Variants in FANCI observed in about 807,000 individuals in gnomAD.
FANCI encodes the protein FA complementation group I, also known as Fanconi anemia group I protein.
Under a neutral mutation model 176.1 loss-of-function variants are expected in FANCI, and 156 were observed. That is an observed-to-expected ratio of 0.89 (90% CI 0.78 to 1.01). The LOEUF is 1.01. Ranked by LOEUF, FANCI falls within the 50% of genes least tolerant of loss-of-function variation. FANCI has a pLI of 0.00. For synonymous variants in FANCI, 613 were observed against 541.7 expected (o/e 1.13, Z -1.83); for missense variants, 1,678 against 1,534.1 (o/e 1.09, Z -1.57).
At chr15:89,264,400 A>C in intron 8 of FANCI, 122 bp from the exon 9 acceptor site, 1 of 801,556 alleles carries the variant, frequency 1.2e-6, no homozygotes, top group Non-Finnish European at 2.1e-6. Flanking sequence ...GTTTGAGTCT[A>C]AGTCATAGAT....
intron 17 of FANCI, among the ~76,000 whole-genome samples, chr15:89,283,796 A>T (rs2053711330): frequency 6.7e-6 from 1 of 150,324 alleles, no homozygotes. Flanking sequence ...TCTGTCACCC[A>T]GGCTGGAGTG....
Position 89,260,723 on chromosome 15 carries a change from C to T in FANCI, c.168C>T (p.Cys56=). 6.2e-7 allele frequency: 1 copy of T among 1,613,772 alleles called. No individual in the cohort carries two copies. Among genetic ancestry groups the T allele is most frequent in the Non-Finnish European group, 8.5e-7 (1 of 1,179,822 alleles). ...LLRAIFKGSP[C]SEEAGTLRRR... Reference sequence around the variant, plus strand: ...GTTTAAAACAATAAGGTTCCCCCTGCTCTGAGGAAGCTGGAACACTTAGGA... The same window carrying T: ...GTTTAAAACAATAAGGTTCCCCCTGTTCTGAGGAAGCTGGAACACTTAGGA... Residue 56 remains cysteine, a synonymous_variant, in exon 4 of 38, where the codon TGC becomes TGT. Transcript: ENST00000310775.
intron 9 of FANCI, among the ~76,000 whole-genome samples, chr15:89,264,904 A>G (rs1482546215): frequency 1.3e-5 from 2 of 152,250 alleles, no homozygotes; most frequent in Non-Finnish European, 2.9e-5. Flanking sequence ...TGAACCAGTC[A>G]GACAATGTCC....
chr15:89,279,459 G>C (rs906435839), intron 14 of FANCI, among the ~76,000 whole-genome samples: 1 of 152,116 alleles, frequency 6.6e-6, no homozygotes, highest in Non-Finnish European at 1.5e-5. Context: ...TGCTTGGCCT[G>C]AATTTGCTGT....
At chr15:89,278,855 A>C in intron 14 of FANCI, 81 bp downstream of exon 14, 1 of 1,078,172 alleles carries the variant, frequency 9.3e-7, no homozygotes, top group Non-Finnish European at 1.4e-6. Context: ...CTGGGAAAAA[A>C]ATTTTAATGA....
chr15:89,268,254 G>A (rs963902904), intron 9 of FANCI, 145 bp from the exon 10 acceptor site: 20 of 824,458 alleles, frequency 2.4e-5, no homozygotes, highest in Non-Finnish European at 4.1e-5. Flanking sequence ...CACCACATCG[G>A]GCTGATTTTT....
Position 89,295,334 on chromosome 15 carries a change from C to G in FANCI, c.2636+240C>G, listed in dbSNP as rs187363809. Among the ~76,000 whole-genome samples, 237 of 148,068 alleles carry G rather than the reference C, an allele frequency of 1.6e-3. 1 individual carries two copies. The highest frequency in any genetic ancestry group is 3.9e-3 in the African/African-American group (156 of 40,002). ...TGAGCTGAGTTCATACCACTGCACT[C>G]TAGCCTGGGTGACAGGGCAAGACTC... On this transcript the variant is annotated intron_variant, in intron 24 of 37. Transcript: ENST00000310775.
chr15:89,307,914 A>G, intron 34 of FANCI: 1 of 1,386,446 alleles, frequency 7.2e-7, no homozygotes, highest in South Asian at 1.5e-5. Context: ...ATTTGGAGCA[A>G]GGAAGGAACA....
At chr15:89,315,731 C>T (rs2055210833) in intron 37 of FANCI, among the ~76,000 whole-genome samples, 1 of 152,202 alleles carries the variant, frequency 6.6e-6, no homozygotes, top group Non-Finnish European at 1.5e-5. Context: ...ATGTCATGCC[C>T]TCATTCAAAG....
At chr15:89,268,034 G>A (rs1238517790) in intron 9 of FANCI, among the ~76,000 whole-genome samples, 1 of 152,242 alleles carries the variant, frequency 6.6e-6, no homozygotes, top group African/African-American at 2.4e-5. Flanking sequence ...TTTAGCTTGA[G>A]TTGGTCTACT....
At chr15:89,311,981 T>C in intron 34 of FANCI, among the ~76,000 whole-genome samples, 1 of 151,988 alleles carries the variant, frequency 6.6e-6, no homozygotes, top group East Asian at 1.9e-4. Flanking sequence ...GTTCCTTTTA[T>C]TAGTTATTCA....
chr15:89,309,181 G>T (rs1018770181), intron 34 of FANCI, among the ~76,000 whole-genome samples: 1 of 152,236 alleles, frequency 6.6e-6, no homozygotes, highest in East Asian at 1.9e-4. Context: ...CCAAATGCTT[G>T]CAGGAATGCT....
intron 2 of FANCI, among the ~76,000 whole-genome samples, chr15:89,251,164 G>T (rs1453610788): frequency 6.6e-6 from 1 of 152,152 alleles, no homozygotes; most frequent in East Asian, 1.9e-4. Context: ...AAAAAATACT[G>T]TGAGACTACA....
chr15:89,305,410 G>GT lies in FANCI; in HGVS notation c.3255+2dup. 2 of 1,613,364 alleles carry GT rather than the reference G, an allele frequency of 1.2e-6. No homozygotes were observed. Among genetic ancestry groups the GT allele is most frequent in the Admixed American group, 1.7e-5 (1 of 60,018 alleles). ...GAGAACGGCTGCCCCCACTGTCTGT[G>GT]TAAGTGTTGTACCTGAGCCATGGGG... On this transcript the variant is annotated splice_donor_variant, in intron 30 of 37. Coordinates refer to ENST00000310775, the MANE Select transcript of FANCI (RefSeq NM_001113378.2). LOFTEE classifies it high-confidence loss of function.
chr15:89,250,988 ATAAAG>A (rs2052223192), intron 2 of FANCI, among the ~76,000 whole-genome samples: 2 of 152,180 alleles, frequency 1.3e-5, no homozygotes, highest in South Asian at 2.1e-4. Context: ...GTGGAAATTA[ATAAAG>A]TAGAGAACAG....
chr15:89,306,846 T>C (rs1284180380), intron 32 of FANCI, among the ~76,000 whole-genome samples: 1 of 152,232 alleles, frequency 6.6e-6, no homozygotes, highest in Non-Finnish European at 1.5e-5. Context: ...GGGCCCATAA[T>C]GCATAGAAAT....
intron 2 of FANCI, among the ~76,000 whole-genome samples, chr15:89,249,745 A>T (rs1485823998): frequency 6.6e-6 from 1 of 152,248 alleles, no homozygotes; most frequent in Non-Finnish European, 1.5e-5. Flanking sequence ...TTGAAATGAA[A>T]ACCTCAGTAG....
chr15:89,316,307 A>G, intron 37 of FANCI, 90 bp from the exon 38 acceptor site: 2 of 1,291,530 alleles, frequency 1.5e-6, no homozygotes, highest in Non-Finnish European at 2.2e-6. Context: ...GGCTTTGATG[A>G]GAAGATAGAG....
chr15:89,284,191 T>G (rs7163655), intron 17 of FANCI, among the ~76,000 whole-genome samples: 60,996 of 152,054 alleles, frequency 0.4, 12,302 homozygotes, highest in African/African-American at 0.41. Flanking sequence ...TCTTACGTCA[T>G]TGTATTTACT....
Sources: gnomAD v4.1 joint callset for allele counts (sites outside exome capture counted in the v4.1 genomes callset) on GRCh38, gnomAD v4.1.1 for gene constraint, MANE v1.5 for transcripts, NCBI Gene and HGNC (gene_info 2026-07-23, HGNC 2026-07-21) for gene names.